The following PDE3B variants were observed in gnomAD, a reference collection of about 807,000 sequenced individuals.
PDE3B encodes phosphodiesterase 3B.
Under a neutral mutation model 116.8 loss-of-function variants are expected in PDE3B, and 66 were observed. That is an observed-to-expected ratio of 0.56 (90% CI 0.46 to 0.69). PDE3B has a LOEUF of 0.69. PDE3B is among the 30% of genes least tolerant of loss of function. The probability of loss-of-function intolerance (pLI) is 0.00; values close to 1 mark genes in which losing one functional copy is unlikely to be tolerated. For synonymous variants in PDE3B, 595 were observed against 533.6 expected (o/e 1.12, Z -1.59); for missense variants, 1,384 against 1,368.1 (o/e 1.01, Z -0.18).
chr11:14,894,900 G>A, the PDE3B span, among the ~76,000 whole-genome samples: 1 of 152,252 alleles, frequency 6.6e-6, no homozygotes, highest in Non-Finnish European at 1.5e-5. Flanking sequence ...AGGAAGTTAA[G>A]TATTTCACTG....
rs1162338279 is a variant in PDE3B at position 14,798,045 on chromosome 11, C to A, written c.1416-5899C>A. Reference sequence around the variant, plus strand: ...GGAATGCTTCCAGTTTTTGCCTATTCAGTATGATATTGCTTATTGGTTTGT... The same window carrying A: ...GGAATGCTTCCAGTTTTTGCCTATTAAGTATGATATTGCTTATTGGTTTGT... On this transcript the variant is annotated intron_variant, in intron 4 of 15. Coordinates refer to ENST00000282096, the MANE Select transcript of PDE3B (RefSeq NM_000922.4). Among the ~76,000 whole-genome samples, 2 of 152,124 alleles carry A rather than the reference C, an allele frequency of 1.3e-5. 1 individual carries two copies.
chr11:14,760,249 A>G (rs1442479697), intron 1 of PDE3B, among the ~76,000 whole-genome samples: 1 of 152,162 alleles, frequency 6.6e-6, no homozygotes, highest in African/African-American at 2.4e-5. Flanking sequence ...CCCTTAATAG[A>G]TGTTAGCTAT....
At chr11:14,703,572 G>T (rs554285572) in intron 1 of PDE3B, among the ~76,000 whole-genome samples, 1 of 151,506 alleles carries the variant, frequency 6.6e-6, no homozygotes, top group East Asian at 1.9e-4. Context: ...TGGTCTATTT[G>T]CATAAGAGAT....
chr11:14,899,015 C>T, the PDE3B span, among the ~76,000 whole-genome samples: 145 of 152,272 alleles, frequency 9.5e-4, no homozygotes, highest in African/African-American at 3.3e-3. Flanking sequence ...TGAGCCTGCA[C>T]AGATGTCTGA....
chr11:14,864,369 C>T (rs1366990818), intron 14 of PDE3B, among the ~76,000 whole-genome samples: 1 of 152,104 alleles, frequency 6.6e-6, no homozygotes, highest in Admixed American at 6.5e-5. Flanking sequence ...GATTTTAACA[C>T]CCCACTGTCA....
chr11:14,867,753 A>T lies in PDE3B; in HGVS notation c.3134A>T (p.Asn1045Ile). Residue 1045 changes from asparagine (N) to isoleucine (I), a missense_variant, in exon 15 of 16, where the codon AAT becomes ATT. Physicochemically the swap from Asn to Ile is moderately radical, Grantham distance 149. Transcript: ENST00000282096. Reference sequence around the variant, plus strand: ...GATGAAGAAATGGAAAACAATCTAAATCCAAGTAAGAATATAGGGACATTA... The same window carrying T: ...GATGAAGAAATGGAAAACAATCTAATTCCAAGTAAGAATATAGGGACATTA... ...TEDEEMENNL[N>I]PKPPRRKSRR... is the part of the protein sequence containing the mutation. The T allele has an allele frequency of 6.2e-7, 1 of 1,602,944 alleles. No individual in the cohort carries two copies. The highest frequency in any genetic ancestry group is 8.5e-7 in the Non-Finnish European group (1 of 1,170,076).
In PDE3B at chr11:14,822,766, AC is replaced by A. The variant is rs1859562185; in HGVS notation, c.1807+3561del. Among the ~76,000 whole-genome samples, 3 of 152,182 alleles carry A rather than the reference AC, an allele frequency of 2.0e-5. No homozygotes were observed. The South Asian group carries it at 6.2e-4, about 32-fold the overall frequency. On this transcript the variant is annotated intron_variant, in intron 7 of 15. Coordinates refer to ENST00000282096, the MANE Select transcript of PDE3B (RefSeq NM_000922.4). The stretch of plus-strand genomic sequence containing the variant: ...AGTAGGAGGTTAGACCCCCATACAG[AC>A]CCCTAAGAAGTAGCTGAATTCAGGG...
chr11:14,739,237 G>A (rs531373773), intron 1 of PDE3B, among the ~76,000 whole-genome samples: 136 of 152,240 alleles, frequency 8.9e-4, no homozygotes, highest in African/African-American at 1.8e-3. Context: ...AACCATGAGC[G>A]TGGAATGTGT....
chr11:14,733,632 C>G (rs1856520434), intron 1 of PDE3B, among the ~76,000 whole-genome samples: 1 of 152,044 alleles, frequency 6.6e-6, no homozygotes, highest in African/African-American at 2.4e-5. Flanking sequence ...CTTGAAATAA[C>G]TTTCATGAAG....
chr11:14,690,434 T>A (rs1165602573), intron 1 of PDE3B, among the ~76,000 whole-genome samples: 1 of 152,108 alleles, frequency 6.6e-6, no homozygotes, highest in Non-Finnish European at 1.5e-5. Context: ...TATGAAGAGG[T>A]GATAACAAAA....
intron 1 of PDE3B, among the ~76,000 whole-genome samples, chr11:14,739,557 A>G (rs193080747): frequency 1.4e-4 from 21 of 152,186 alleles, no homozygotes; most frequent in African/African-American, 4.3e-4. Flanking sequence ...AACAGAGACA[A>G]TTTGACTTCC....
Position 14,738,053 on chromosome 11 carries a change from A to G in PDE3B, c.979-33884A>G, listed in dbSNP as rs532076355. ...TTTGGGTTGGTTCCAAGTCTTTGCT[A>G]TTGTGAATAGGGCCACAATAAACAT... is the stretch of plus-strand genomic sequence containing the variant. On this transcript the variant is annotated intron_variant, in intron 1 of 15. Coordinates refer to ENST00000282096, the MANE Select transcript of PDE3B (RefSeq NM_000922.4). Among the ~76,000 whole-genome samples, 51 of 152,200 alleles carry G rather than the reference A, an allele frequency of 3.4e-4. No homozygotes were observed. In the South Asian group the frequency reaches 1.0e-2, roughly 30 times the overall value.
At chr11:14,797,144 G>A (rs374955950) in intron 4 of PDE3B, among the ~76,000 whole-genome samples, 7 of 152,268 alleles carry the variant, frequency 4.6e-5, no homozygotes, top group African/African-American at 1.7e-4. Context: ...TGCTTGTTGT[G>A]TCAGGTTTGT....
intron 1 of PDE3B, among the ~76,000 whole-genome samples, chr11:14,753,756 A>G (rs1857114483): frequency 2.6e-5 from 4 of 152,164 alleles, no homozygotes; most frequent in Admixed American, 2.6e-4. Flanking sequence ...ATTTTAGTAC[A>G]TAAAATATAC....
intron 1 of PDE3B, among the ~76,000 whole-genome samples, chr11:14,694,372 A>G (rs1452170628): frequency 6.6e-6 from 1 of 152,180 alleles, no homozygotes; most frequent in African/African-American, 2.4e-5. Flanking sequence ...GGAAGAGTCA[A>G]TTGATGTGGC....
chr11:14,854,855 T>A (rs1368828127), intron 12 of PDE3B, among the ~76,000 whole-genome samples: 1 of 152,036 alleles, frequency 6.6e-6, no homozygotes, highest in Non-Finnish European at 1.5e-5. Context: ...CCAAGGATCA[T>A]CAGCCATGGC....
At chr11:14,662,676 G>A (rs1326808650) in intron 1 of PDE3B, among the ~76,000 whole-genome samples, 1 of 152,218 alleles carries the variant, frequency 6.6e-6, no homozygotes, top group Non-Finnish European at 1.5e-5. Flanking sequence ...AGCCTTAGGA[G>A]CTGATGCGAT....
rs1173654668 is a variant in PDE3B, at chr11:14,666,521, C to T, written c.978+21468C>T. On this transcript the variant is annotated intron_variant, in intron 1 of 15. Transcript: ENST00000282096. ...AACCTACAAAATGGGAGAAAATTTT[C>T]GCAACCTACTCATCTGACAAAGGGC... Among the ~76,000 whole-genome samples the T allele has an allele frequency of 5.8e-3, 878 of 150,368 alleles. 8 individuals carry two copies. The highest frequency in any genetic ancestry group is 0.02 in the African/African-American group (811 of 41,050).
chr11:14,782,599 A>C lies in PDE3B; in HGVS notation c.1030-3838A>C, dbSNP rs548323767. On this transcript the variant is annotated intron_variant, in intron 2 of 15. Transcript: ENST00000282096. ...TGGATCCCTTACTTACACCTTATAC[A>C]AAAATTAATTCAAGATGGATTAAAG... 1.1e-3 allele frequency among the ~76,000 whole-genome samples: 162 copies of C among 152,342 alleles called. 1 individual carries two copies. The highest frequency in any genetic ancestry group is 1.3e-3 in the East Asian group (7 of 5,190).
Sources: allele counts gnomAD v4.1 joint callset (sites outside exome capture counted in the v4.1 genomes callset), GRCh38; gene constraint gnomAD v4.1.1; transcripts MANE v1.5; gene names NCBI Gene and HGNC (gene_info 2026-07-23, HGNC 2026-07-21).